Variants in SLCO2A1 observed in about 807,000 individuals in gnomAD.
SLCO2A1 encodes the protein solute carrier organic anion transporter family member 2A1.
Under a neutral mutation model 71.7 loss-of-function variants are expected in SLCO2A1, and 60 were observed. The ratio of observed to expected loss-of-function variants is 0.84; its 90% CI spans 0.68 to 1.04. The LOEUF (loss-of-function observed/expected upper bound fraction) is 1.04, where lower values mean the gene tolerates loss of function less well. SLCO2A1 is among the 50% of genes least tolerant of loss of function. SLCO2A1 has a pLI of 0.00. For synonymous variants in SLCO2A1, 308 were observed against 326.7 expected (o/e 0.94, Z 0.62); for missense variants, 745 against 813.4 (o/e 0.92, Z 1.02).
chr3:133,941,562 G>C (rs1437774458), intron 11 of SLCO2A1, among the ~76,000 whole-genome samples: 1 of 151,942 alleles, frequency 6.6e-6, no homozygotes, highest in Non-Finnish European at 1.5e-5. Flanking sequence ...AGTGGGGGTG[G>C]GTTAGGTGAA....
rs150783496 is a variant in SLCO2A1 at position 133,955,346 on chromosome 3, C to T, written c.398-153G>A. The T allele has an allele frequency of 4.7e-4, 287 of 616,128 alleles. 1 individual carries two copies. The African/African-American group carries it at 4.7e-3, about 10-fold the overall frequency. 38.2% of individuals were successfully genotyped at this position (616,128 alleles called of 1,614,324 possible). Reference sequence around the variant, plus strand: ...AATGGGACATGGTTCCTGAGGACCGCGTCCTTCTGTCTGGCCAGCAGGAGG... The same window carrying T: ...AATGGGACATGGTTCCTGAGGACCGTGTCCTTCTGTCTGGCCAGCAGGAGG... On this transcript the variant is annotated intron_variant, in intron 3 of 13. Coordinates refer to ENST00000310926, the MANE Select transcript of SLCO2A1 (RefSeq NM_005630.3).
intron 3 of SLCO2A1, among the ~76,000 whole-genome samples, chr3:133,966,201 T>C (rs1362280342): frequency 6.6e-6 from 1 of 152,164 alleles, no homozygotes; most frequent in Non-Finnish European, 1.5e-5. Context: ...TGCTTATCTA[T>C]TGGGAAGGGG....
intron 1 of SLCO2A1, among the ~76,000 whole-genome samples, chr3:134,025,565 G>A (rs533713089): frequency 2.0e-5 from 3 of 152,186 alleles, no homozygotes; most frequent in Non-Finnish European, 2.9e-5. Context: ...TTAGAAAAGA[G>A]GCTATATAGC....
rs149071759 is a variant in SLCO2A1, at chr3:134,010,248, A to G, written c.96+19459T>C. Among the ~76,000 whole-genome samples, 156 of 152,334 alleles carry G rather than the reference A, an allele frequency of 1.0e-3. 3 individuals carry two copies. Among genetic ancestry groups the G allele is most frequent in the African/African-American group, 3.6e-3 (148 of 41,572 alleles). On this transcript the variant is annotated intron_variant, in intron 1 of 13. Coordinates refer to ENST00000310926, the MANE Select transcript of SLCO2A1 (RefSeq NM_005630.3). ...GTGTATTAGTCCATTTCACACTGCT[A>G]TAAAGATACTACCTGAGGCTTGGTA...
At chr3:133,988,705 G>A (rs1008589191) in intron 1 of SLCO2A1, among the ~76,000 whole-genome samples, 18 of 152,176 alleles carry the variant, frequency 1.2e-4, no homozygotes, top group Admixed American at 6.5e-5. Context: ...AAAGAGGGAG[G>A]GGACAGCCAT....
chr3:134,015,023 G>A (rs963550111), intron 1 of SLCO2A1, among the ~76,000 whole-genome samples: 1 of 152,164 alleles, frequency 6.6e-6, no homozygotes. Flanking sequence ...CGTTAAACCT[G>A]TCCTTAAATC....
chr3:133,973,399 TCA>T (rs1312745647), intron 3 of SLCO2A1, among the ~76,000 whole-genome samples: 3 of 152,218 alleles, frequency 2.0e-5, no homozygotes, highest in African/African-American at 7.2e-5. Context: ...CAGAAACTGC[TCA>T]CAGTGTCCCC....
intron 1 of SLCO2A1, among the ~76,000 whole-genome samples, chr3:134,008,898 C>A (rs1177003432): frequency 1.3e-5 from 2 of 152,234 alleles, no homozygotes; most frequent in African/African-American, 4.8e-5. Context: ...CATGACTCAA[C>A]TGTGACAACA....
intron 1 of SLCO2A1, among the ~76,000 whole-genome samples, chr3:134,017,431 C>T (rs2108077505): frequency 6.6e-6 from 1 of 152,326 alleles, no homozygotes; most frequent in Admixed American, 6.5e-5. Flanking sequence ...TAACCATCCA[C>T]GTTGATCCTC....
At chr3:133,943,306 C>T (rs1422891970) in intron 10 of SLCO2A1, among the ~76,000 whole-genome samples, 1 of 152,204 alleles carries the variant, frequency 6.6e-6, no homozygotes, top group East Asian at 1.9e-4. Flanking sequence ...CTCAAGTCTG[C>T]AAGTCCATAT....
chr3:133,959,556 G>A (rs925778817), intron 3 of SLCO2A1, among the ~76,000 whole-genome samples: 3 of 152,248 alleles, frequency 2.0e-5, no homozygotes, highest in South Asian at 2.1e-4. Flanking sequence ...TGGGCGTGAC[G>A]GCGCGCACCT....
At position 133,943,290 on chromosome 3, in the gene SLCO2A1, C is replaced by T. The variant is rs150740094; in HGVS notation, c.1462-522G>A. On this transcript the variant is annotated intron_variant, in intron 10 of 13. Coordinates refer to ENST00000310926, the MANE Select transcript of SLCO2A1 (RefSeq NM_005630.3). The stretch of plus-strand genomic sequence containing the variant: ...TAGAAGGGACTCCAGAGAAGGAGGC[C>T]CCTGTCTCAAGTCTGCAAGTCCATA... Among the ~76,000 whole-genome samples the T allele has an allele frequency of 4.9e-3, 751 of 152,264 alleles. 8 individuals are homozygous for T. The highest frequency in any genetic ancestry group is 0.016 in the African/African-American group (677 of 41,556).
intron 12 of SLCO2A1, among the ~76,000 whole-genome samples, chr3:133,936,144 TCA>T (rs776106699): frequency 3.3e-5 from 5 of 152,144 alleles, no homozygotes; most frequent in Non-Finnish European, 5.9e-5. Flanking sequence ...GTCACAGGGA[TCA>T]CCTTGATGCC....
intron 3 of SLCO2A1, among the ~76,000 whole-genome samples, chr3:133,967,477 C>A (rs1559939237): frequency 6.6e-6 from 1 of 152,158 alleles, no homozygotes; most frequent in Non-Finnish European, 1.5e-5. Context: ...TGTTTTCTAT[C>A]ATTTCTCCAT....
intron 6 of SLCO2A1, chr3:133,950,907 T>C: frequency 2.6e-6 from 1 of 388,288 alleles, no homozygotes. Flanking sequence ...TGGCCTTTAT[T>C]GGCTCTTAAT....
chr3:133,950,043 C>T (rs1933699257), intron 6 of SLCO2A1, among the ~76,000 whole-genome samples: 1 of 151,990 alleles, frequency 6.6e-6, no homozygotes, highest in Non-Finnish European at 1.5e-5. Flanking sequence ...CTATGTTGCC[C>T]AGGGTGGTCT....
chr3:134,002,334 C>T (rs76854591), intron 1 of SLCO2A1, among the ~76,000 whole-genome samples: 1,589 of 152,314 alleles, frequency 0.01, 12 homozygotes, highest in Non-Finnish European at 0.018. Flanking sequence ...CTGAGGTTCA[C>T]AGCCCTCAGT....
At chr3:133,985,030 T>A (rs1441808065) in intron 1 of SLCO2A1, among the ~76,000 whole-genome samples, 2 of 152,202 alleles carry the variant, frequency 1.3e-5, no homozygotes, top group Non-Finnish European at 2.9e-5. Context: ...CCTGGAGGGA[T>A]ATTCAGTAAC....
At chr3:133,999,681 G>GA (rs1472902893) in intron 1 of SLCO2A1, among the ~76,000 whole-genome samples, 1 of 152,194 alleles carries the variant, frequency 6.6e-6, no homozygotes, top group Admixed American at 6.5e-5. Context: ...TTTTGAAGAT[G>GA]AGGAGAATTT....
Sources: allele counts gnomAD v4.1 joint callset (sites outside exome capture counted in the v4.1 genomes callset), GRCh38; gene constraint gnomAD v4.1.1; transcripts MANE v1.5; gene names NCBI Gene and HGNC (gene_info 2026-07-23, HGNC 2026-07-21).